The following KLF12 variants were observed in gnomAD, a reference collection of about 807,000 sequenced individuals.
KLF12 encodes KLF transcription factor 12, also known as Krueppel-like factor 12.
In KLF12, 9 loss-of-function variants were observed where a neutral mutation model predicts 37.8. The observed-to-expected ratio is 0.24, with a 90% CI of 0.14 to 0.42. The LOEUF (loss-of-function observed/expected upper bound fraction) is 0.42. KLF12 is among the 10% of genes least tolerant of loss of function. The pLI is 1.00. For missense variants in KLF12, 411 were observed against 516.0 expected (o/e 0.80, Z 1.97); for synonymous variants, 208 against 202.1 (o/e 1.03, Z -0.25).
At chr13:74,225,080 C>T in the KLF12 span, among the ~76,000 whole-genome samples, 6 of 152,214 alleles carry the variant, frequency 3.9e-5, no homozygotes, top group Admixed American at 3.9e-4. Context: ...TTATCAATGA[C>T]ATAACATAAC....
chr13:73,818,348 T>A (rs900726346), intron 4 of KLF12, among the ~76,000 whole-genome samples: 1 of 152,208 alleles, frequency 6.6e-6, no homozygotes, highest in South Asian at 2.1e-4. Context: ...TGAGACTTGA[T>A]AGGATGCTCA....
chr13:74,257,329 T>C, the KLF12 span: 1 of 152,250 alleles, frequency 6.6e-6, no homozygotes, highest in Non-Finnish European at 1.5e-5. Flanking sequence ...TGAAATGTCA[T>C]GATTGGTGTC....
At chr13:73,714,801 T>C (rs900702744) in intron 7 of KLF12, among the ~76,000 whole-genome samples, 2 of 152,106 alleles carry the variant, frequency 1.3e-5, no homozygotes, top group Non-Finnish European at 2.9e-5. Flanking sequence ...AGTGAGTCAA[T>C]TGTGGTATCA....
intron 4 of KLF12, among the ~76,000 whole-genome samples, chr13:73,827,689 G>A (rs7984399): frequency 0.25 from 38,128 of 151,782 alleles, 4,935 homozygotes; most frequent in East Asian, 0.48. Context: ...CAGCCTCCCA[G>A]GGAGCTGGGA....
At chr13:74,105,056 G>A (rs992764662) in intron 1 of KLF12, among the ~76,000 whole-genome samples, 2 of 152,068 alleles carry the variant, frequency 1.3e-5, no homozygotes, top group African/African-American at 4.8e-5. Flanking sequence ...TACATCCCCA[G>A]GGCCAAGTAC....
chr13:74,179,836 A>C, the KLF12 span, among the ~76,000 whole-genome samples: 1 of 152,178 alleles, frequency 6.6e-6, no homozygotes, highest in Admixed American at 6.5e-5. Flanking sequence ...ATGTACAACA[A>C]CCCGTACTTT....
upstream of KLF12, among the ~76,000 whole-genome samples, chr13:74,134,555 C>T (rs1352167136): frequency 6.6e-6 from 1 of 151,764 alleles, no homozygotes; most frequent in Admixed American, 6.6e-5. Context: ...ACCCCTGCCC[C>T]CGCCCTCCGG....
intron 6 of KLF12, among the ~76,000 whole-genome samples, chr13:73,741,884 G>A (rs1878013631): frequency 6.6e-6 from 1 of 152,224 alleles, no homozygotes; most frequent in Admixed American, 6.5e-5. Flanking sequence ...TGTGCAGAGT[G>A]TAGCACTAAG....
intron 3 of KLF12, among the ~76,000 whole-genome samples, chr13:73,938,403 C>A (rs527268162): frequency 6.6e-6 from 1 of 152,296 alleles, no homozygotes; most frequent in Admixed American, 6.5e-5. Flanking sequence ...ACAATACCTG[C>A]ACCCGTCTAT....
intron 6 of KLF12, among the ~76,000 whole-genome samples, chr13:73,755,904 A>G (rs924595555): frequency 3.9e-5 from 6 of 152,128 alleles, no homozygotes; most frequent in African/African-American, 1.4e-4. Context: ...CTCCTTTTAC[A>G]TTCAGATTGC....
chr13:73,754,109 C>T (rs1176820655), intron 6 of KLF12, among the ~76,000 whole-genome samples: 1 of 152,134 alleles, frequency 6.6e-6, no homozygotes, highest in African/African-American at 2.4e-5. Flanking sequence ...GTACCCTTCA[C>T]ATAGAATACG....
At chr13:74,140,764 AAGG>A in the KLF12 span, among the ~76,000 whole-genome samples, 1 of 152,180 alleles carries the variant, frequency 6.6e-6, no homozygotes, top group African/African-American at 2.4e-5. Context: ...ATAAGAAATG[AAGG>A]TTGGAGCAGG....
At chr13:74,272,468 A>G in the KLF12 span, among the ~76,000 whole-genome samples, 1 of 152,328 alleles carries the variant, frequency 6.6e-6, no homozygotes, top group African/African-American at 2.4e-5. Context: ...TACAAGTTGT[A>G]TGATAGTTGT....
the KLF12 span, among the ~76,000 whole-genome samples, chr13:74,170,468 A>G: frequency 2.6e-5 from 4 of 152,224 alleles, no homozygotes; most frequent in Non-Finnish European, 5.9e-5. Context: ...CCTTCCTCAA[A>G]GGAACTGATA....
At chr13:73,763,971 G>A (rs1405226369) in intron 6 of KLF12, among the ~76,000 whole-genome samples, 1 of 152,134 alleles carries the variant, frequency 6.6e-6, no homozygotes, top group Non-Finnish European at 1.5e-5. Context: ...CGTGGGGGAA[G>A]GGAGGTGAGA....
chr13:73,771,821 G>T (rs1880290404), intron 5 of KLF12, among the ~76,000 whole-genome samples: 1 of 152,168 alleles, frequency 6.6e-6, no homozygotes, highest in South Asian at 2.1e-4. Flanking sequence ...ACCAGAGAAG[G>T]TTTCCAGGAG....
intron 1 of KLF12, among the ~76,000 whole-genome samples, chr13:74,030,540 G>C (rs1031497357): frequency 5.3e-5 from 8 of 151,930 alleles, no homozygotes; most frequent in South Asian, 2.1e-4. Flanking sequence ...CACCTCTACT[G>C]TTTCAGAAAA....
intron 6 of KLF12, among the ~76,000 whole-genome samples, chr13:73,739,432 T>C (rs1049125999): frequency 2.6e-5 from 4 of 152,096 alleles, no homozygotes; most frequent in African/African-American, 9.7e-5. Context: ...GGTATTGTTG[T>C]TTACCTCAAG....
the KLF12 span, among the ~76,000 whole-genome samples, chr13:74,193,088 C>T: frequency 6.6e-6 from 1 of 150,880 alleles, no homozygotes; most frequent in Non-Finnish European, 1.5e-5. Flanking sequence ...AAGAAATTCT[C>T]CTGCCTCAGC....
Sources: allele counts gnomAD v4.1 joint callset (sites outside exome capture counted in the v4.1 genomes callset), GRCh38; gene constraint gnomAD v4.1.1; transcripts MANE v1.5; gene names NCBI Gene and HGNC (gene_info 2026-07-23, HGNC 2026-07-21).